HPSE2: variants seen among roughly 807,000 people sequenced by gnomAD.
HPSE2 encodes the protein heparanase 2 (inactive), also known as inactive heparanase-2.
HPSE2 carries 38 observed loss-of-function variants against 60.5 expected under a neutral mutation model. That is an observed-to-expected ratio of 0.63 (90% CI 0.48 to 0.82). The LOEUF (loss-of-function observed/expected upper bound fraction) is 0.82. Ranked by LOEUF, HPSE2 falls within the 40% of genes least tolerant of loss-of-function variation. The pLI is 0.00. For synonymous variants in HPSE2, 295 were observed against 293.2 expected, an observed-to-expected ratio of 1.01 and a Z score of -0.06; for missense variants, 713 against 740.4, an observed-to-expected ratio of 0.96 and a Z score of 0.43.
chr10:99,013,214 C>T, intron 3 of HPSE2: 1 of 664,412 alleles, frequency 1.5e-6, no homozygotes. Context: ...ATGTTAGCTT[C>T]ACAAACTGGG....
At chr10:98,863,512 C>G (rs571235151) in intron 3 of HPSE2, among the ~76,000 whole-genome samples, 2 of 152,178 alleles carry the variant, frequency 1.3e-5, no homozygotes, top group South Asian at 4.2e-4. Flanking sequence ...CTCCTCCTAC[C>G]CACCCTGTCC....
At chr10:98,707,301 G>A (rs1948571465) in intron 5 of HPSE2, among the ~76,000 whole-genome samples, 1 of 152,140 alleles carries the variant, frequency 6.6e-6, no homozygotes, top group Non-Finnish European at 1.5e-5. Context: ...GATATTAACA[G>A]CCCTATATTC....
chr10:98,935,826 A>T (rs1217051369), intron 3 of HPSE2, among the ~76,000 whole-genome samples: 1 of 145,060 alleles, frequency 6.9e-6, no homozygotes, highest in Non-Finnish European at 1.5e-5. Flanking sequence ...TGCTGGGGGA[A>T]ATCCCCCTCT....
intron 2 of HPSE2, among the ~76,000 whole-genome samples, chr10:99,167,012 T>C (rs1847111306): frequency 2.0e-5 from 3 of 152,014 alleles, no homozygotes; most frequent in Admixed American, 2.0e-4. Context: ...TTTGTTTGTT[T>C]GTTTGTTTGT....
the HPSE2 span, among the ~76,000 whole-genome samples, chr10:99,286,626 C>T: frequency 2.0e-5 from 3 of 151,928 alleles, no homozygotes; most frequent in South Asian, 6.2e-4. Flanking sequence ...GACTGTATGA[C>T]ATTGTGAATA....
intron 9 of HPSE2, among the ~76,000 whole-genome samples, chr10:98,521,808 A>G (rs1323405476): frequency 6.6e-6 from 1 of 152,198 alleles, no homozygotes; most frequent in East Asian, 1.9e-4. Flanking sequence ...CAGCCATAAA[A>G]AAGGATGAGT....
At chr10:98,813,009 T>C (rs1234782941) in intron 3 of HPSE2, among the ~76,000 whole-genome samples, 2 of 152,138 alleles carry the variant, frequency 1.3e-5, no homozygotes, top group Non-Finnish European at 2.9e-5. Context: ...ATAGTTTCTA[T>C]GGGCTGGATA....
chr10:98,915,472 C>A (rs1377003453), intron 3 of HPSE2, among the ~76,000 whole-genome samples: 3 of 151,766 alleles, frequency 2.0e-5, no homozygotes, highest in Non-Finnish European at 1.5e-5. Context: ...TTACAATAAG[C>A]AAGCAAGAAA....
intron 9 of HPSE2, among the ~76,000 whole-genome samples, chr10:98,515,565 T>A (rs964132353): frequency 6.6e-6 from 1 of 152,188 alleles, no homozygotes; most frequent in African/African-American, 2.4e-5. Flanking sequence ...TATCCTGTTT[T>A]AAGGGGAAAT....
intron 4 of HPSE2, among the ~76,000 whole-genome samples, chr10:98,729,372 G>T (rs895657804): frequency 6.6e-6 from 1 of 152,128 alleles, no homozygotes; most frequent in East Asian, 1.9e-4. Flanking sequence ...CACTTTGGGA[G>T]GCCAAGATGG....
intron 6 of HPSE2, among the ~76,000 whole-genome samples, chr10:98,688,479 T>A (rs1007580411): frequency 7.6e-6 from 1 of 132,316 alleles, no homozygotes; most frequent in Admixed American, 7.7e-5. Context: ...TTTTTTTTCT[T>A]TTTTTTTTTT....
At chr10:99,102,050 C>G (rs1844019588) in intron 3 of HPSE2, among the ~76,000 whole-genome samples, 1 of 152,182 alleles carries the variant, frequency 6.6e-6, no homozygotes, top group Non-Finnish European at 1.5e-5. Context: ...CTAAAATTGA[C>G]ATCCTAACAT....
At chr10:99,182,060 C>T (rs989051544) in intron 2 of HPSE2, among the ~76,000 whole-genome samples, 1 of 152,164 alleles carries the variant, frequency 6.6e-6, no homozygotes, top group African/African-American at 2.4e-5. Flanking sequence ...TCTTCCAAAA[C>T]TGGGAGGAAT....
At chr10:99,038,508 A>T (rs958217267) in intron 3 of HPSE2, among the ~76,000 whole-genome samples, 1 of 152,194 alleles carries the variant, frequency 6.6e-6, no homozygotes, top group African/African-American at 2.4e-5. Flanking sequence ...GCCAGGGTTT[A>T]GGAATTGGGG....
At chr10:98,824,419 A>G (rs1951495370) in intron 3 of HPSE2, among the ~76,000 whole-genome samples, 2 of 152,206 alleles carry the variant, frequency 1.3e-5, no homozygotes, top group Non-Finnish European at 2.9e-5. Flanking sequence ...CTAAAATGTT[A>G]CTAACATAAC....
At chr10:99,232,322 TAAAG>T in intron 2 of HPSE2, 22 bp downstream of exon 2, 3 of 1,549,622 alleles carry the variant, frequency 1.9e-6, no homozygotes, top group Non-Finnish European at 2.6e-6. Context: ...GCTCCCCAAA[TAAAG>T]AATGGTAATC....
intron 3 of HPSE2, among the ~76,000 whole-genome samples, chr10:99,029,710 G>A (rs1296435604): frequency 6.6e-6 from 1 of 152,196 alleles, no homozygotes. Context: ...AGAGCCAGGT[G>A]TACAGGATGG....
intron 3 of HPSE2, among the ~76,000 whole-genome samples, 194 bp from the exon 4 acceptor site, chr10:98,744,250 G>T (rs1463701819): frequency 6.6e-6 from 1 of 152,208 alleles, no homozygotes. Flanking sequence ...AGACAGGGCT[G>T]GGCGCGGTGG....
At chr10:99,215,456 T>C (rs186383597) in intron 2 of HPSE2, among the ~76,000 whole-genome samples, 120 of 152,260 alleles carry the variant, frequency 7.9e-4, no homozygotes, top group Non-Finnish European at 1.4e-3. Context: ...CACCAGGGCC[T>C]GTCGGCGGGG....
Sources: allele counts gnomAD v4.1 joint callset (sites outside exome capture counted in the v4.1 genomes callset), GRCh38; gene constraint gnomAD v4.1.1; transcripts MANE v1.5; gene names NCBI Gene and HGNC (gene_info 2026-07-23, HGNC 2026-07-21).